NTN1: variants seen among roughly 807,000 people sequenced by gnomAD.
NTN1 encodes netrin 1.
NTN1 carries 11 observed loss-of-function variants against 54.2 expected under a neutral mutation model. The ratio of observed to expected loss-of-function variants is 0.20; its 90% CI spans 0.13 to 0.34. NTN1 has a LOEUF of 0.34. Among genes scored for constraint, NTN1 ranks in the 10% least tolerant of loss-of-function variants. The pLI, the probability that NTN1 is intolerant of heterozygous loss-of-function variation, is 1.00. For synonymous variants in NTN1, 371 were observed against 382.0 expected, an observed-to-expected ratio of 0.97 and a Z score of 0.33; for missense variants, 740 against 893.1, an observed-to-expected ratio of 0.83 and a Z score of 2.18.
chr17:9,021,142 C>T (rs933686783), upstream of NTN1, among the ~76,000 whole-genome samples: 6 of 152,064 alleles, frequency 3.9e-5, no homozygotes, highest in African/African-American at 1.4e-4. Flanking sequence ...GAAAGTGGCC[C>T]CCTTCCCCCG....
At chr17:9,087,953 T>G (rs892181565) in intron 2 of NTN1, among the ~76,000 whole-genome samples, 1 of 152,210 alleles carries the variant, frequency 6.6e-6, no homozygotes, top group Non-Finnish European at 1.5e-5. Flanking sequence ...CAAGAGCAGA[T>G]GTAGAAACCC....
chr17:9,237,035 ACT>A (rs1391669591), intron 6 of NTN1, among the ~76,000 whole-genome samples: 2 of 152,070 alleles, frequency 1.3e-5, no homozygotes, highest in Middle Eastern at 3.4e-3. Flanking sequence ...CAAACTTGAG[ACT>A]CTGCCAGCTC....
intron 6 of NTN1, among the ~76,000 whole-genome samples, chr17:9,230,343 C>T (rs572693403): frequency 6.6e-6 from 1 of 152,226 alleles, no homozygotes; most frequent in African/African-American, 2.4e-5. Flanking sequence ...AGGGACAGGA[C>T]GCAGACCAGC....
At chr17:9,226,370 C>G (rs1326848106) in intron 6 of NTN1, among the ~76,000 whole-genome samples, 3 of 151,752 alleles carry the variant, frequency 2.0e-5, no homozygotes, top group Non-Finnish European at 1.5e-5. Flanking sequence ...CCTGGCTGTG[C>G]CCCCCGCCCA....
chr17:9,031,759 AC>A (rs2091888922), intron 2 of NTN1, among the ~76,000 whole-genome samples: 1 of 152,164 alleles, frequency 6.6e-6, no homozygotes, highest in Non-Finnish European at 1.5e-5. Flanking sequence ...AGCCTGGCCA[AC>A]ATGGTGAAAC....
intron 2 of NTN1, among the ~76,000 whole-genome samples, chr17:9,156,009 TCTC>T (rs1341819995): frequency 6.6e-6 from 1 of 152,034 alleles, no homozygotes; most frequent in Admixed American, 6.6e-5. Flanking sequence ...GCTGAGTAGG[TCTC>T]CTGGTCCTTA....
At chr17:9,209,136 T>C (rs931285153) in intron 5 of NTN1, among the ~76,000 whole-genome samples, 2 of 152,202 alleles carry the variant, frequency 1.3e-5, no homozygotes, top group Admixed American at 1.3e-4. Context: ...ACCATAGTCA[T>C]TTCCTCCTAA....
At chr17:9,204,654 A>G (rs1350259378) in intron 5 of NTN1, among the ~76,000 whole-genome samples, 1 of 152,158 alleles carries the variant, frequency 6.6e-6, no homozygotes, top group Non-Finnish European at 1.5e-5. Flanking sequence ...GGCAAATGGC[A>G]GTGAATCGGG....
chr17:9,184,460 T>G (rs911207194), intron 5 of NTN1, among the ~76,000 whole-genome samples: 2 of 152,146 alleles, frequency 1.3e-5, no homozygotes, highest in African/African-American at 4.8e-5. Context: ...GGGAGAGCAG[T>G]TTTGAAGGTA....
intron 1 of NTN1, among the ~76,000 whole-genome samples, chr17:9,021,864 T>G (rs1335336557): frequency 6.6e-6 from 1 of 152,004 alleles, no homozygotes; most frequent in Non-Finnish European, 1.5e-5. Flanking sequence ...TTTTGCCCCC[T>G]CCAGAGGTAA....
chr17:9,037,434 T>C (rs1480620078), intron 2 of NTN1, among the ~76,000 whole-genome samples: 3 of 152,222 alleles, frequency 2.0e-5, no homozygotes. Context: ...ATTTGGGATT[T>C]CGTGGAAATC....
chr17:9,101,660 C>G (rs551787010), intron 2 of NTN1, among the ~76,000 whole-genome samples: 1 of 152,198 alleles, frequency 6.6e-6, no homozygotes, highest in Non-Finnish European at 1.5e-5. Flanking sequence ...GGATTTCTTC[C>G]TAATCCCTGC....
chr17:9,116,072 C>G (rs1880647), intron 2 of NTN1, among the ~76,000 whole-genome samples: 325 of 152,140 alleles, frequency 2.1e-3, no homozygotes, highest in African/African-American at 7.1e-3. Flanking sequence ...CTGTGGGTGT[C>G]GTCATCTTGC....
the NTN1 span, among the ~76,000 whole-genome samples, chr17:9,009,769 A>T: frequency 6.8e-6 from 1 of 146,202 alleles, no homozygotes; most frequent in Admixed American, 6.7e-5. Context: ...TTTTTCCATC[A>T]AAATCATGAC....
intron 2 of NTN1, among the ~76,000 whole-genome samples, chr17:9,087,272 G>A (rs2092092667): frequency 6.6e-6 from 1 of 152,150 alleles, no homozygotes; most frequent in South Asian, 2.1e-4. Context: ...GGGAGAGGGA[G>A]ATGCAGGCAC....
chr17:9,114,183 A>ATATATATG (rs1299459072), intron 2 of NTN1, among the ~76,000 whole-genome samples: 2 of 138,818 alleles, frequency 1.4e-5, no homozygotes, highest in African/African-American at 5.2e-5. Context: ...ATATATATAT[A>ATATATATG]TATGATTCAG....
At chr17:9,208,966 C>A (rs1423918082) in intron 5 of NTN1, among the ~76,000 whole-genome samples, 1 of 152,246 alleles carries the variant, frequency 6.6e-6, no homozygotes, top group Non-Finnish European at 1.5e-5. Context: ...GCCCCAGGAT[C>A]TGGCCCTGCC....
At chr17:9,138,418 A>G (rs1174526179) in intron 2 of NTN1, among the ~76,000 whole-genome samples, 1 of 151,506 alleles carries the variant, frequency 6.6e-6, no homozygotes, top group African/African-American at 2.4e-5. Context: ...GAGGACAACA[A>G]TGTGCTACTT....
chr17:9,021,750 C>T (rs2091848781), intron 1 of NTN1, among the ~76,000 whole-genome samples, 165 bp downstream of exon 1: 1 of 151,398 alleles, frequency 6.6e-6, no homozygotes, highest in Non-Finnish European at 1.5e-5. Flanking sequence ...ATGGAGCTGG[C>T]AAGCCCGCGC....
Sources: gnomAD v4.1 joint callset for allele counts (sites outside exome capture counted in the v4.1 genomes callset) on GRCh38, gnomAD v4.1.1 for gene constraint, MANE v1.5 for transcripts, NCBI Gene and HGNC (gene_info 2026-07-23, HGNC 2026-07-21) for gene names.